R3HCC1L: variants seen among roughly 807,000 people sequenced by gnomAD.
R3HCC1L encodes the protein R3H domain and coiled-coil containing 1 like.
Under a neutral mutation model 59.9 loss-of-function variants are expected in R3HCC1L, and 51 were observed. That is an observed-to-expected ratio of 0.85 (90% CI 0.68 to 1.07). R3HCC1L has a LOEUF of 1.07. Among genes scored for constraint, R3HCC1L ranks in the 50% least tolerant of loss-of-function variants. The pLI is 0.00. For missense variants in R3HCC1L, 965 were observed against 933.0 expected (o/e 1.03, Z -0.45); for synonymous variants, 322 against 315.2 (o/e 1.02, Z -0.23).
At chr10:98,214,448 G>A (rs890214637) in intron 5 of R3HCC1L, among the ~76,000 whole-genome samples, 2 of 152,070 alleles carry the variant, frequency 1.3e-5, no homozygotes, top group African/African-American at 2.4e-5. Flanking sequence ...CAGTTAAGTG[G>A]AAGAGAAAAA....
chr10:98,139,514 G>A (rs960201365), intron 1 of R3HCC1L, among the ~76,000 whole-genome samples: 3 of 152,204 alleles, frequency 2.0e-5, no homozygotes, highest in African/African-American at 4.8e-5. Flanking sequence ...TGCTACCCAC[G>A]AGGAAATGTG....
intron 4 of R3HCC1L, among the ~76,000 whole-genome samples, chr10:98,174,007 A>G (rs146382525): frequency 3.3e-5 from 5 of 152,290 alleles, no homozygotes; most frequent in East Asian, 1.9e-4. Context: ...CAATACTGTA[A>G]TGGTTGCTTT....
chr10:98,152,940 AGAG>A (rs956977274), intron 1 of R3HCC1L, among the ~76,000 whole-genome samples: 5 of 141,960 alleles, frequency 3.5e-5, no homozygotes, highest in African/African-American at 5.8e-5. Flanking sequence ...TGTCCGGGAG[AGAG>A]GTGGGGGGTC....
chr10:98,175,885 A>G (rs1848962229), intron 4 of R3HCC1L, among the ~76,000 whole-genome samples: 1 of 152,142 alleles, frequency 6.6e-6, no homozygotes, highest in Non-Finnish European at 1.5e-5. Context: ...ATTTTGTTCT[A>G]TATTTATTTA....
At chr10:98,211,309 G>C in intron 5 of R3HCC1L, 1 of 1,513,428 alleles carries the variant, frequency 6.6e-7, no homozygotes. Context: ...TTTTTCAGGG[G>C]ATTCTGATGC....
intron 9 of R3HCC1L, among the ~76,000 whole-genome samples, chr10:98,242,968 C>T (rs941649095): frequency 1.3e-5 from 2 of 152,162 alleles, no homozygotes; most frequent in Non-Finnish European, 2.9e-5. Context: ...ATTTGCAGAC[C>T]ACTGTTTTTT....
At position 98,222,573 on chromosome 10, in the gene R3HCC1L, G is replaced by A. The variant is rs552377768; in HGVS notation, c.1786-8939G>A. Among the ~76,000 whole-genome samples the A allele has an allele frequency of 3.0e-3, 463 of 151,990 alleles. 5 individuals are homozygous for A. The highest frequency in any genetic ancestry group is 0.01 in the African/African-American group (427 of 41,402). On this transcript the variant is annotated intron_variant, in intron 5 of 9. Coordinates refer to ENST00000298999, the MANE Select transcript of R3HCC1L (RefSeq NM_001351015.2). The stretch of plus-strand genomic sequence containing the variant: ...CGTCCCATCAATACCTAATTTATTG[G>A]GAGTTTTTAGCATGAAGGGTTGTTG...
chr10:98,135,489 T>C (rs6584169), intron 1 of R3HCC1L, among the ~76,000 whole-genome samples: 103,374 of 152,136 alleles, frequency 0.68, 35,288 homozygotes, highest in African/African-American at 0.76. Context: ...AACTCTAAAG[T>C]ATGTTTCGGG....
In R3HCC1L at chr10:98,202,727, CT is replaced by C. The variant is rs1852192215; in HGVS notation, c.-14-5373del. ...ATGAGCCAGGCATGGTGGCAGTCGC[CT>C]GTAGTCCCAGCTACTCACTTGGGAG... On this transcript the variant is annotated intron_variant, in intron 4 of 9. Coordinates refer to ENST00000298999, the MANE Select transcript of R3HCC1L (RefSeq NM_001351015.2). 2.0e-5 allele frequency among the ~76,000 whole-genome samples: 3 copies of C among 152,074 alleles called. No individual in the cohort carries two copies. In the South Asian group the frequency reaches 6.2e-4, roughly 32 times the overall value.
intron 5 of R3HCC1L, among the ~76,000 whole-genome samples, chr10:98,222,503 A>G (rs1242475119): frequency 2.0e-5 from 3 of 151,896 alleles, no homozygotes; most frequent in Non-Finnish European, 2.9e-5. Context: ...TCAGTATGAT[A>G]TTGGCTGTGG....
At chr10:98,202,769 T>C (rs1380441197) in intron 4 of R3HCC1L, among the ~76,000 whole-genome samples, 1 of 151,294 alleles carries the variant, frequency 6.6e-6, no homozygotes, top group African/African-American at 2.4e-5. Context: ...GGCAGGAGAA[T>C]CACTTGAACC....
At chr10:98,147,694 C>T (rs1034291392) in intron 1 of R3HCC1L, among the ~76,000 whole-genome samples, 1 of 151,960 alleles carries the variant, frequency 6.6e-6, no homozygotes, top group African/African-American at 2.4e-5. Context: ...GTTCTTGGTG[C>T]CTTTGTCAAA....
intron 4 of R3HCC1L, among the ~76,000 whole-genome samples, chr10:98,188,538 G>T (rs941841210): frequency 1.3e-5 from 2 of 152,174 alleles, no homozygotes; most frequent in African/African-American, 4.8e-5. Flanking sequence ...AGGCTAGACT[G>T]TAGAAAACTT....
intron 4 of R3HCC1L, among the ~76,000 whole-genome samples, chr10:98,198,336 C>T (rs1162565078): frequency 2.0e-5 from 3 of 152,040 alleles, no homozygotes; most frequent in Non-Finnish European, 2.9e-5. Flanking sequence ...CTGTAAGGTA[C>T]TTCCATGCCT....
intron 2 of R3HCC1L, among the ~76,000 whole-genome samples, chr10:98,158,476 A>G (rs1847092770): frequency 1.3e-5 from 2 of 152,200 alleles, no homozygotes; most frequent in African/African-American, 2.4e-5. Flanking sequence ...AGTTCACCCA[A>G]ATACCCAAAA....
At chr10:98,198,568 A>G (rs1851710019) in intron 4 of R3HCC1L, among the ~76,000 whole-genome samples, 1 of 150,888 alleles carries the variant, frequency 6.6e-6, no homozygotes, top group African/African-American at 2.4e-5. Context: ...AAAAGTTGGG[A>G]AAAATGCTTC....
chr10:98,153,980 G>C (rs1310912922), intron 1 of R3HCC1L, among the ~76,000 whole-genome samples: 1 of 152,132 alleles, frequency 6.6e-6, no homozygotes, highest in Non-Finnish European at 1.5e-5. Context: ...GAAGGAGAAA[G>C]AGAAGGACAC....
At chr10:98,163,141 G>T in intron 3 of R3HCC1L, 152 bp from the exon 4 acceptor site, 1 of 315,056 alleles carries the variant, frequency 3.2e-6, no homozygotes, top group Non-Finnish European at 5.8e-6. Context: ...AAGTGCTTTT[G>T]TATGTGTGTC....
intron 1 of R3HCC1L, among the ~76,000 whole-genome samples, chr10:98,142,253 C>T (rs1845216636): frequency 6.6e-6 from 1 of 152,208 alleles, no homozygotes; most frequent in Non-Finnish European, 1.5e-5. Flanking sequence ...TGCATGTTCA[C>T]TGCAGACAGT....
Sources: gnomAD v4.1 joint callset for allele counts (sites outside exome capture counted in the v4.1 genomes callset) on GRCh38, gnomAD v4.1.1 for gene constraint, MANE v1.5 for transcripts, NCBI Gene and HGNC (gene_info 2026-07-23, HGNC 2026-07-21) for gene names.